ELMO1: variants seen among roughly 807,000 people sequenced by gnomAD.
ELMO1 encodes engulfment and cell motility 1, also known as engulfment and cell motility protein 1.
A neutral mutation model predicts 98.9 loss-of-function variants in ELMO1; 26 were observed. That is an observed-to-expected ratio of 0.26 (90% CI 0.19 to 0.36). ELMO1 has a LOEUF of 0.36. Among genes scored for constraint, ELMO1 ranks in the 10% least tolerant of loss-of-function variants. ELMO1 has a pLI of 1.00. For missense variants in ELMO1, 627 were observed against 935.2 expected, an observed-to-expected ratio of 0.67 and a Z score of 4.30; for synonymous variants, 346 against 346.0, an observed-to-expected ratio of 1.00 and a Z score of 0.00.
intron 13 of ELMO1, among the ~76,000 whole-genome samples, chr7:37,146,894 G>T (rs578111958): frequency 6.6e-6 from 1 of 152,112 alleles, no homozygotes; most frequent in African/African-American, 2.4e-5. Context: ...AACAAAACAA[G>T]TGACGAGGTA....
At chr7:36,979,314 T>C (rs575569251) in intron 16 of ELMO1, among the ~76,000 whole-genome samples, 15 of 152,348 alleles carry the variant, frequency 9.8e-5, no homozygotes, top group Admixed American at 2.6e-4. Flanking sequence ...ACATACATCA[T>C]TTATATTTTC....
intron 15 of ELMO1, among the ~76,000 whole-genome samples, chr7:37,083,246 G>A (rs533655218): frequency 6.6e-6 from 1 of 152,294 alleles, no homozygotes; most frequent in South Asian, 2.1e-4. Context: ...GGAAGGGTAG[G>A]TCCAAACTTG....
At chr7:37,270,867 A>ACG (rs2130851882) in intron 5 of ELMO1, 1 of 135,704 alleles carries the variant, frequency 7.4e-6, no homozygotes, top group Admixed American at 7.4e-5. Context: ...AAATACTTAA[A>ACG]CTCTCTCTCT....
intron 16 of ELMO1, among the ~76,000 whole-genome samples, chr7:36,973,858 G>C (rs988928695): frequency 7.9e-5 from 12 of 152,234 alleles, no homozygotes; most frequent in Admixed American, 6.5e-4. Context: ...TGCCGTTGCC[G>C]AGCAATGAGG....
chr7:37,068,250 C>T (rs565139876), intron 15 of ELMO1, among the ~76,000 whole-genome samples: 2 of 152,242 alleles, frequency 1.3e-5, no homozygotes, highest in East Asian at 3.9e-4. Context: ...AAACTCTATC[C>T]CAGTCTCCCT....
At chr7:37,057,674 C>T (rs1227127314) in intron 15 of ELMO1, among the ~76,000 whole-genome samples, 7 of 152,188 alleles carry the variant, frequency 4.6e-5, no homozygotes, top group East Asian at 1.9e-4. Flanking sequence ...TCCTTTTCAA[C>T]GCAGATGTGT....
chr7:37,078,841 C>A (rs920289291), intron 15 of ELMO1, among the ~76,000 whole-genome samples: 1 of 151,884 alleles, frequency 6.6e-6, no homozygotes, highest in Non-Finnish European at 1.5e-5. Flanking sequence ...TTTTTGTTAT[C>A]GTGGATAGTT....
chr7:37,003,094 A>C (rs1666048432), intron 16 of ELMO1, among the ~76,000 whole-genome samples: 1 of 152,226 alleles, frequency 6.6e-6, no homozygotes, highest in African/African-American at 2.4e-5. Flanking sequence ...ACTTTACTAG[A>C]ATAGGAAGAA....
At position 37,389,914 on chromosome 7, in the gene ELMO1, G is replaced by A. The variant is rs1259273609; in HGVS notation, c.-73-47151C>T. ...TTAATCACCGTAAGCAGAAAGGCACGCTTCCCACAGTCTCTCCCATGTTGC... is the reference window on the plus strand; with the variant it reads ...TTAATCACCGTAAGCAGAAAGGCACACTTCCCACAGTCTCTCCCATGTTGC... On this transcript the variant is annotated intron_variant, in intron 1 of 21. Transcript: ENST00000310758. Among the ~76,000 whole-genome samples the A allele has an allele frequency of 4.6e-5, 7 of 152,028 alleles. 1 individual carries two copies. Among genetic ancestry groups the A allele is most frequent in the Admixed American group, 3.9e-4 (6 of 15,264 alleles).
intron 13 of ELMO1, among the ~76,000 whole-genome samples, chr7:37,144,125 C>T (rs1419842184): frequency 2.0e-5 from 3 of 151,798 alleles, no homozygotes; most frequent in Non-Finnish European, 4.4e-5. Flanking sequence ...TAGGCTCTTA[C>T]TGAACAAAAG....
chr7:37,289,663 G>A (rs1797574421), intron 4 of ELMO1, among the ~76,000 whole-genome samples: 1 of 152,180 alleles, frequency 6.6e-6, no homozygotes, highest in South Asian at 2.1e-4. Context: ...AGACAAATGG[G>A]ATCTGGACTG....
In ELMO1 at chr7:37,342,532, A is replaced by C. The variant is rs1337955081; in HGVS notation, c.78+81T>G. 3.0e-6 allele frequency: 4 copies of C among 1,351,184 alleles called. No individual in the cohort carries two copies. Among genetic ancestry groups the C allele is most frequent in the Non-Finnish European group, 4.2e-6 (4 of 941,922 alleles). The allele number at this position is 1,351,184 out of a possible 1,614,324, so 83.7% of individuals were successfully genotyped here. ...ACAGCTAGAGAGAGAAAGGGAGAAG[A>C]GTGAGCTATCCAAAGTCTATGAAAA... On this transcript the variant is annotated intron_variant, in intron 2 of 21. Transcript: ENST00000310758. The surrounding 1 kb of genome is among the most constrained non-coding windows in gnomAD (Gnocchi z 4.3).
chr7:36,887,717 A>G (rs1439236486), intron 17 of ELMO1, 45 bp from the exon 18 acceptor site: 3 of 1,593,156 alleles, frequency 1.9e-6, no homozygotes, highest in African/African-American at 1.3e-5. Flanking sequence ...CTTGAGAAAC[A>G]GAGTGTGGCT....
At chr7:36,905,933 A>G (rs1266666753) in intron 16 of ELMO1, among the ~76,000 whole-genome samples, 15 of 152,252 alleles carry the variant, frequency 9.9e-5, no homozygotes, top group Admixed American at 4.6e-4. Context: ...AAGCCCCACA[A>G]ACTTAGAACT....
chr7:37,252,116 T>A (rs1476135425), intron 6 of ELMO1, among the ~76,000 whole-genome samples: 1 of 152,180 alleles, frequency 6.6e-6, no homozygotes, highest in Non-Finnish European at 1.5e-5. Flanking sequence ...TCCATGCTCA[T>A]GGATAGAAAG....
intron 16 of ELMO1, among the ~76,000 whole-genome samples, chr7:36,900,902 C>T (rs1806456448): frequency 6.6e-6 from 1 of 152,160 alleles, no homozygotes; most frequent in Non-Finnish European, 1.5e-5. Flanking sequence ...TCACAACAAC[C>T]AAAGAATTGG....
At chr7:36,994,632 C>T (rs1230530587) in intron 16 of ELMO1, among the ~76,000 whole-genome samples, 1 of 152,218 alleles carries the variant, frequency 6.6e-6, no homozygotes, top group Admixed American at 6.5e-5. Flanking sequence ...CCTCCCACTC[C>T]TGCAATCTCA....
chr7:37,249,599 G>A (rs987108847), intron 6 of ELMO1, among the ~76,000 whole-genome samples: 6 of 152,024 alleles, frequency 3.9e-5, no homozygotes, highest in African/African-American at 1.5e-4. Context: ...TATTGACCAA[G>A]GTATTGGAAA....
intron 21 of ELMO1, among the ~76,000 whole-genome samples, chr7:36,859,945 C>A (rs931468379): frequency 6.6e-6 from 1 of 152,156 alleles, no homozygotes; most frequent in Admixed American, 6.5e-5. Flanking sequence ...TCAAGACCAA[C>A]CCGTCCTCTT....
Sources: allele counts gnomAD v4.1 joint callset (sites outside exome capture counted in the v4.1 genomes callset), GRCh38; gene constraint gnomAD v4.1.1; non-coding constraint Gnocchi (gnomAD v3.1); transcripts MANE v1.5; gene names NCBI Gene and HGNC (gene_info 2026-07-23, HGNC 2026-07-21).